The following UBAC2 variants were observed in gnomAD, a reference collection of about 807,000 sequenced individuals.
UBAC2 encodes the protein ubiquitin-associated domain-containing protein 2.
In UBAC2, 26 loss-of-function variants were observed where a neutral mutation model predicts 44.0. The observed-to-expected ratio is 0.59, with a 90% confidence interval of 0.43 to 0.82. The LOEUF (loss-of-function observed/expected upper bound fraction) is 0.82, where lower values mean the gene tolerates loss of function less well. Ranked by LOEUF, UBAC2 falls within the 40% of genes least tolerant of loss-of-function variation. The pLI, the probability that UBAC2 is intolerant of heterozygous loss-of-function variation, is 0.00. For synonymous variants in UBAC2, 155 were observed against 154.3 expected (o/e 1.00, Z -0.04); for missense variants, 329 against 419.4 (o/e 0.78, Z 1.88).
chr13:99,339,149 A>G (rs1168426271), intron 6 of UBAC2, among the ~76,000 whole-genome samples: 2 of 152,096 alleles, frequency 1.3e-5, no homozygotes, highest in South Asian at 2.1e-4. Flanking sequence ...TAGCCCCCCA[A>G]GATATCTAAT....
Position 99,238,524 on chromosome 13 carries a change from T to C in UBAC2, c.129T>C (p.Tyr43=). 6.2e-7 allele frequency: 1 copy of C among 1,613,348 alleles called. No homozygotes were observed. The highest frequency in any genetic ancestry group is 1.1e-5 in the South Asian group (1 of 91,038). ...CTCACTGCCAGAAGCTCTTTGTGTA[T>C]GACCTTCACGCAGTCAAGAACGACT... ...LLPHCQKLFV[Y]DLHAVKNDFQ... is the part of the protein sequence containing the mutation. Residue 43 remains tyrosine, a synonymous_variant, in exon 2 of 9, where the codon TAT becomes TAC. Coordinates refer to ENST00000403766, the MANE Select transcript of UBAC2 (RefSeq NM_001144072.2).
At chr13:99,385,183 G>A (rs146447212) in intron 8 of UBAC2, 45 bp from the exon 9 acceptor site, 5 of 1,405,616 alleles carry the variant, frequency 3.6e-6, no homozygotes, top group African/African-American at 2.8e-5. Flanking sequence ...AGGGATAAGC[G>A]GCAATGTCAG....
At chr13:99,354,118 C>T (rs2045139393) in intron 7 of UBAC2, among the ~76,000 whole-genome samples, 1 of 152,266 alleles carries the variant, frequency 6.6e-6, no homozygotes, top group African/African-American at 2.4e-5. Flanking sequence ...CCCCCCTTCA[C>T]TGCTCTGCAC....
intron 6 of UBAC2, among the ~76,000 whole-genome samples, chr13:99,338,071 T>TTTTTTTTTTTTTTTTTTTTTTTA (rs1555330450): frequency 9.5e-6 from 1 of 105,136 alleles, no homozygotes; most frequent in Non-Finnish European, 1.9e-5. Flanking sequence ...TTTTTTTTTT[T>TTTTTTTTTTTTTTTTTTTTTTTA]TTTTGAGACA....
chr13:99,259,080 G>C (rs1184229553), intron 4 of UBAC2, among the ~76,000 whole-genome samples: 1 of 152,062 alleles, frequency 6.6e-6, no homozygotes, highest in East Asian at 1.9e-4. Flanking sequence ...AGTCTTTAGT[G>C]GACTGATTTA....
At chr13:99,268,964 G>C (rs974706611) in intron 4 of UBAC2, among the ~76,000 whole-genome samples, 1 of 152,158 alleles carries the variant, frequency 6.6e-6, no homozygotes, top group African/African-American at 2.4e-5. Context: ...GCTGCCCAGT[G>C]AAAGAGGAGT....
intron 4 of UBAC2, chr13:99,261,847 A>G (rs190328034): frequency 5.9e-5 from 9 of 152,424 alleles, no homozygotes; most frequent in Non-Finnish European, 1.3e-4. Context: ...TCTCACAGTT[A>G]CCAGAGGTGC....
intron 7 of UBAC2, chr13:99,351,453 C>A (rs1264338791): frequency 2.3e-6 from 1 of 441,362 alleles, no homozygotes; most frequent in Non-Finnish European, 4.5e-6. Flanking sequence ...ATCTTCCAAA[C>A]CTAAAATGTT....
intron 7 of UBAC2, 112 bp from the exon 8 acceptor site, chr13:99,367,675 G>T (rs2045348968): frequency 1.4e-6 from 2 of 1,427,968 alleles, no homozygotes; most frequent in Non-Finnish European, 9.8e-7. Context: ...GGATCAATAT[G>T]ATACTTCCTT....
intron 8 of UBAC2, among the ~76,000 whole-genome samples, chr13:99,368,250 A>G (rs1003311290): frequency 9.9e-5 from 15 of 152,204 alleles, no homozygotes; most frequent in African/African-American, 3.6e-4. Flanking sequence ...TGCCTTTGGC[A>G]TGGTTTCACT....
At chr13:99,216,078 ATATTTGTG>A (rs981739463) in intron 1 of UBAC2, among the ~76,000 whole-genome samples, 1 of 86,258 alleles carries the variant, frequency 1.2e-5, no homozygotes, top group African/African-American at 3.9e-5. Flanking sequence ...GTACCAACCT[ATATTTGTG>A]TGTGTGTGTG....
At position 99,295,808 on chromosome 13, in the gene UBAC2, A is replaced by G; in HGVS notation, c.390-18289A>G. 1 of 1,611,598 alleles carries G rather than the reference A, an allele frequency of 6.2e-7. No homozygotes were observed. The highest frequency in any genetic ancestry group is 8.5e-7 in the Non-Finnish European group (1 of 1,178,134). ...AAAGTTCACACCTGCATATGTGTTG[A>G]TGTAAAACACTAGCGCAGTTATCCT... On this transcript the variant is annotated intron_variant, in intron 4 of 8. Transcript: ENST00000403766. This position sits in a 1 kb window ranked among gnomAD's most constrained non-coding sequence, Gnocchi z 4.1.
At position 99,256,139 on chromosome 13, in the gene UBAC2, A is replaced by T. The variant is rs2043551875; in HGVS notation, c.389+11515A>T. ...ACTGTCTATTGAGCATGTAATAGGT[A>T]CTCAATAAATAAATATTTACTGAAT... is the stretch of plus-strand genomic sequence containing the variant. On this transcript the variant is annotated intron_variant, in intron 4 of 8. Coordinates refer to ENST00000403766, the MANE Select transcript of UBAC2 (RefSeq NM_001144072.2). 2.6e-5 allele frequency among the ~76,000 whole-genome samples: 4 copies of T among 152,170 alleles called. No homozygotes were observed. The South Asian group carries it at 8.3e-4, about 32-fold the overall frequency.
At chr13:99,287,777 G>A (rs887153016) in intron 4 of UBAC2, among the ~76,000 whole-genome samples, 3 of 151,220 alleles carry the variant, frequency 2.0e-5, no homozygotes, top group African/African-American at 4.9e-5. Context: ...GAGCCACCAC[G>A]TGCAGCCTTA....
rs183601931 is a variant in UBAC2, at chr13:99,272,599, G to A, written c.389+27975G>A. Among the ~76,000 whole-genome samples the A allele has an allele frequency of 3.2e-3, 480 of 152,214 alleles. 1 individual carries two copies. The highest frequency in any genetic ancestry group is 0.011 in the African/African-American group (459 of 41,512). On this transcript the variant is annotated intron_variant, in intron 4 of 8. Transcript: ENST00000403766. ...GTTGGCATGGTCAAGTTCTGGTGAG[G>A]GCCTGCCGTCTTCCTGACTTGCAGA...
intron 6 of UBAC2, among the ~76,000 whole-genome samples, chr13:99,339,057 C>G (rs1475381444): frequency 6.6e-6 from 1 of 152,146 alleles, no homozygotes; most frequent in Non-Finnish European, 1.5e-5. Flanking sequence ...CCCTAAATGT[C>G]ATATCATATC....
intron 4 of UBAC2, among the ~76,000 whole-genome samples, chr13:99,251,958 GC>G (rs1280600554): frequency 2.0e-5 from 3 of 152,132 alleles, no homozygotes; most frequent in African/African-American, 7.2e-5. Context: ...ACAAGGTCTT[GC>G]CATGTTATCC....
In UBAC2 at chr13:99,320,832, G is replaced by C. The variant is rs550789156; in HGVS notation, c.561+2763G>C. Among the ~76,000 whole-genome samples the C allele has an allele frequency of 9.2e-5, 14 of 152,366 alleles. No homozygotes were observed. In the South Asian group the frequency reaches 2.7e-3, roughly 29 times the overall value. ...ACCACTGACTATAGGATCCAAGCCT[G>C]AGATTCACAAAGCCACAGTCTGCCT... On this transcript the variant is annotated intron_variant, in intron 6 of 8. Transcript: ENST00000403766.
chr13:99,349,844 C>A (rs191443411), intron 7 of UBAC2, among the ~76,000 whole-genome samples: 1 of 152,148 alleles, frequency 6.6e-6, no homozygotes, highest in Non-Finnish European at 1.5e-5. Context: ...CGGATGACTG[C>A]GGGCAGACTG....
Sources: allele counts gnomAD v4.1 joint callset (sites outside exome capture counted in the v4.1 genomes callset), GRCh38; gene constraint gnomAD v4.1.1; non-coding constraint Gnocchi (gnomAD v3.1); transcripts MANE v1.5; gene names NCBI Gene and HGNC (gene_info 2026-07-23, HGNC 2026-07-21).